Variants in TDRD7 observed in about 807,000 individuals in gnomAD.
The protein encoded by TDRD7 is tudor domain containing 7, also known as tudor domain-containing protein 7.
In TDRD7, 47 loss-of-function variants were observed where a neutral mutation model predicts 109.8. The observed-to-expected ratio is 0.43, with a 90% CI of 0.34 to 0.55. The LOEUF (loss-of-function observed/expected upper bound fraction) is 0.55, where lower values mean the gene tolerates loss of function less well. TDRD7 is among the 20% of genes least tolerant of loss of function. The pLI is 0.03. For synonymous variants in TDRD7, 424 were observed against 457.3 expected (o/e 0.93, Z 0.93); for missense variants, 1,164 against 1,319.2 (o/e 0.88, Z 1.82).
intron 15 of TDRD7, among the ~76,000 whole-genome samples, chr9:97,484,488 A>AC (rs1554750209): frequency 5.3e-5 from 8 of 149,596 alleles, no homozygotes; most frequent in South Asian, 2.1e-4. Flanking sequence ...ACACACACAC[A>AC]CACACCCCAA....
At chr9:97,475,965 TG>T (rs1829011123) in intron 12 of TDRD7, among the ~76,000 whole-genome samples, 2 of 152,232 alleles carry the variant, frequency 1.3e-5, no homozygotes, top group South Asian at 4.1e-4. Flanking sequence ...GCTGTATGAT[TG>T]AACACTATTA....
chr9:97,429,783 A>C lies in TDRD7; in HGVS notation c.207+1111A>C, dbSNP rs529619018. Among the ~76,000 whole-genome samples the C allele has an allele frequency of 4.6e-5, 7 of 152,244 alleles. No homozygotes were observed. In the East Asian group the frequency reaches 1.2e-3, roughly 25 times the overall value. ...CTTGCTTCTCTCTTTTTCCTCCATA[A>C]GTTTATTAAGGATGAAGGGCTTAAT... On this transcript the variant is annotated intron_variant, in intron 2 of 16. Coordinates refer to ENST00000355295, the MANE Select transcript of TDRD7 (RefSeq NM_014290.3).
At chr9:97,429,628 G>A (rs1828066114) in intron 2 of TDRD7, among the ~76,000 whole-genome samples, 1 of 152,194 alleles carries the variant, frequency 6.6e-6, no homozygotes, top group Admixed American at 6.5e-5. Context: ...TTAATTAAAT[G>A]TTATATGAAT....
In TDRD7 at chr9:97,483,143, C is replaced by T. The variant is rs1178280791; in HGVS notation, c.2707C>T (p.Pro903Ser). 24 of 1,614,184 alleles carry T rather than the reference C, an allele frequency of 1.5e-5. No homozygotes were observed. The highest frequency in any genetic ancestry group is 1.9e-5 in the Non-Finnish European group (23 of 1,180,034). The change falls in exon 15 of 17, where the codon CCT becomes TCT. Residue 903 changes from proline (P) to serine (S), a missense_variant. Physicochemically the swap from Pro to Ser is moderately conservative, Grantham distance 74. Coordinates refer to ENST00000355295, the MANE Select transcript of TDRD7 (RefSeq NM_014290.3). The part of the protein sequence containing the change: ...TSAFSTEELP[P>S]PVHLSKPGEH... ...CGCTTTCTCCACAGAGGAACTGCCA[C>T]CTCCTGTCCACTTATCAAAGCCAGG...
chr9:97,431,934 C>T, intron 3 of TDRD7, 91 bp from the exon 4 acceptor site: 3 of 1,174,422 alleles, frequency 2.6e-6, no homozygotes, highest in Non-Finnish European at 1.3e-6. Flanking sequence ...AGAATAGACA[C>T]CCACAGAAAA....
intron 16 of TDRD7, among the ~76,000 whole-genome samples, chr9:97,489,566 G>T (rs1829266450): frequency 6.6e-6 from 1 of 152,088 alleles, no homozygotes; most frequent in Non-Finnish European, 1.5e-5. Flanking sequence ...TAGATAATAT[G>T]TAGTTGAGTC....
intron 7 of TDRD7, among the ~76,000 whole-genome samples, chr9:97,464,253 T>TA (rs958072735): frequency 6.6e-6 from 1 of 152,226 alleles, no homozygotes; most frequent in African/African-American, 2.4e-5. Flanking sequence ...TGCTTCCTGT[T>TA]ATGCCCTCTC....
intron 3 of TDRD7, 113 bp from the exon 4 acceptor site, chr9:97,431,912 C>A: frequency 1.0e-6 from 1 of 994,238 alleles, no homozygotes; most frequent in Non-Finnish European, 1.6e-6. Flanking sequence ...CGTGTTCTTA[C>A]AAACTGTTCT....
At chr9:97,491,649 C>A (rs898156641) in intron 16 of TDRD7, among the ~76,000 whole-genome samples, 1 of 152,128 alleles carries the variant, frequency 6.6e-6, no homozygotes, top group Non-Finnish European at 1.5e-5. Context: ...GGGGTCTTTC[C>A]CCCTAGCTTA....
At chr9:97,425,797 A>G (rs1177723987) in intron 1 of TDRD7, among the ~76,000 whole-genome samples, 8 of 152,230 alleles carry the variant, frequency 5.3e-5, no homozygotes, top group South Asian at 2.1e-4. Flanking sequence ...CGACAGGGAT[A>G]TGTTCTGAGA....
chr9:97,481,689 T>G (rs992602384), intron 14 of TDRD7, among the ~76,000 whole-genome samples: 2 of 152,238 alleles, frequency 1.3e-5, no homozygotes, highest in South Asian at 4.1e-4. Context: ...TATTCCATAT[T>G]CTTCAGTTGT....
At chr9:97,415,974 T>C (rs1463378204) in intron 1 of TDRD7, among the ~76,000 whole-genome samples, 1 of 152,038 alleles carries the variant, frequency 6.6e-6, no homozygotes, top group Non-Finnish European at 1.5e-5. Flanking sequence ...ATAATGACGA[T>C]TTTTTTTAAA....
chr9:97,452,622 G>A (rs1468617578), intron 6 of TDRD7, among the ~76,000 whole-genome samples: 1 of 152,194 alleles, frequency 6.6e-6, no homozygotes, highest in Non-Finnish European at 1.5e-5. Flanking sequence ...TGATTATTTG[G>A]CTATGGTTTG....
At chr9:97,428,427 A>G in intron 1 of TDRD7, 33 bp from the exon 2 acceptor site, 1 of 1,596,640 alleles carries the variant, frequency 6.3e-7, no homozygotes, top group East Asian at 2.2e-5. Flanking sequence ...CGAATGAGCC[A>G]TATTATAGTA....
At chr9:97,452,982 A>G (rs1828525528) in intron 6 of TDRD7, among the ~76,000 whole-genome samples, 1 of 152,140 alleles carries the variant, frequency 6.6e-6, no homozygotes, top group Non-Finnish European at 1.5e-5. Context: ...GGACTGGGAG[A>G]GGGGAGACTA....
At chr9:97,434,354 G>A (rs996428826) in intron 4 of TDRD7, among the ~76,000 whole-genome samples, 2 of 152,164 alleles carry the variant, frequency 1.3e-5, no homozygotes, top group East Asian at 1.9e-4. Flanking sequence ...AGGCAGGGAC[G>A]TGGGGTTAGG....
intron 6 of TDRD7, among the ~76,000 whole-genome samples, chr9:97,449,743 A>G (rs1429993344): frequency 6.6e-6 from 1 of 152,192 alleles, no homozygotes; most frequent in East Asian, 1.9e-4. Context: ...GGTGGGGCCA[A>G]AAGTTTCAAC....
chr9:97,474,061 A>G (rs1392297865), intron 11 of TDRD7, among the ~76,000 whole-genome samples: 1 of 152,174 alleles, frequency 6.6e-6, no homozygotes, highest in East Asian at 1.9e-4. Context: ...TTCTGCCTTC[A>G]TCTTCCTCCT....
chr9:97,477,224 G>A (rs548380753), intron 12 of TDRD7, among the ~76,000 whole-genome samples: 1 of 152,150 alleles, frequency 6.6e-6, no homozygotes, highest in Admixed American at 6.5e-5. Flanking sequence ...TATAACCATT[G>A]CATAATTATC....
Sources: allele counts gnomAD v4.1 joint callset (sites outside exome capture counted in the v4.1 genomes callset), GRCh38; gene constraint gnomAD v4.1.1; transcripts MANE v1.5; gene names NCBI Gene and HGNC (gene_info 2026-07-23, HGNC 2026-07-21).